The following PLEKHA7 variants were observed in gnomAD, a reference collection of about 807,000 sequenced individuals.
The protein encoded by PLEKHA7 is pleckstrin homology domain-containing family A member 7.
Under a neutral mutation model 170.0 loss-of-function variants are expected in PLEKHA7, and 104 were observed. That is an observed-to-expected ratio of 0.61 (90% CI 0.52 to 0.72). The LOEUF is 0.72. PLEKHA7 is among the 30% of genes least tolerant of loss of function. The pLI is 0.00. For synonymous variants in PLEKHA7, 648 were observed against 660.8 expected, an observed-to-expected ratio of 0.98 and a Z score of 0.30; for missense variants, 1,615 against 1,671.7, an observed-to-expected ratio of 0.97 and a Z score of 0.59.
chr11:17,007,130 G>T (rs1865046634), intron 3 of PLEKHA7, among the ~76,000 whole-genome samples: 1 of 152,220 alleles, frequency 6.6e-6, no homozygotes, highest in Non-Finnish European at 1.5e-5. Flanking sequence ...CTGCCCAGGG[G>T]GGCATGGATA....
chr11:16,941,671 C>CT (rs1565139015), intron 3 of PLEKHA7, among the ~76,000 whole-genome samples: 1 of 152,144 alleles, frequency 6.6e-6, no homozygotes, highest in African/African-American at 2.4e-5. Context: ...TATTTATTAG[C>CT]TTTTTTATAC....
intron 23 of PLEKHA7, 113 bp downstream of exon 23, chr11:16,788,983 T>A (rs902023258): frequency 1.2e-4 from 162 of 1,320,156 alleles, no homozygotes; most frequent in Non-Finnish European, 1.5e-4. Flanking sequence ...CTGAACCATG[T>A]AGGTCAATGG....
At chr11:16,952,440 A>T (rs1044464875) in intron 3 of PLEKHA7, among the ~76,000 whole-genome samples, 2 of 152,232 alleles carry the variant, frequency 1.3e-5, no homozygotes. Context: ...CCAGCCCAGT[A>T]GTTCTGGGAT....
chr11:16,982,693 G>C (rs373097013), intron 3 of PLEKHA7, among the ~76,000 whole-genome samples: 1 of 151,692 alleles, frequency 6.6e-6, no homozygotes, highest in Non-Finnish European at 1.5e-5. Context: ...CTGTGTCCAC[G>C]ACCTGACCCA....
chr11:17,007,233 CATT>C (rs1865055254), intron 3 of PLEKHA7, among the ~76,000 whole-genome samples: 1 of 152,172 alleles, frequency 6.6e-6, no homozygotes, highest in South Asian at 2.1e-4. Flanking sequence ...ACATTTAAAA[CATT>C]ATATTCTACA....
At chr11:16,906,947 G>T (rs964408727) in intron 3 of PLEKHA7, among the ~76,000 whole-genome samples, 1 of 149,354 alleles carries the variant, frequency 6.7e-6, no homozygotes, top group African/African-American at 2.5e-5. Flanking sequence ...GCCCCGTCTG[G>T]GATGTGAGGA....
intron 3 of PLEKHA7, among the ~76,000 whole-genome samples, chr11:16,890,391 A>T (rs1251907102): frequency 1.3e-5 from 2 of 152,250 alleles, no homozygotes; most frequent in African/African-American, 4.8e-5. Context: ...CACATGCTGC[A>T]TACAAAAAAC....
chr11:16,796,341 A>G (rs1167021453), intron 17 of PLEKHA7, among the ~76,000 whole-genome samples: 1 of 152,254 alleles, frequency 6.6e-6, no homozygotes, highest in East Asian at 1.9e-4. Context: ...ATAAAAAGGA[A>G]TGAAGTGCTG....
chr11:16,839,144 C>G (rs1851761892), intron 9 of PLEKHA7, among the ~76,000 whole-genome samples: 1 of 152,104 alleles, frequency 6.6e-6, no homozygotes, highest in Non-Finnish European at 1.5e-5. Context: ...TACAGTACAT[C>G]TACATTATGA....
intron 3 of PLEKHA7, among the ~76,000 whole-genome samples, chr11:16,986,220 T>A (rs990483402): frequency 6.6e-6 from 1 of 152,100 alleles, no homozygotes; most frequent in Admixed American, 6.5e-5. Context: ...GGATGAGGTA[T>A]TTGGGCCCCT....
Position 16,783,845 on chromosome 11 carries a change from C to A in PLEKHA7, c.3517-12G>T. The A allele has an allele frequency of 2.1e-6, 3 of 1,445,784 alleles. No individual in the cohort carries two copies. The highest frequency in any genetic ancestry group is 2.6e-5 in the Admixed American group (1 of 38,160). 89.6% of individuals were successfully genotyped at this position (1,445,784 alleles called of 1,614,324 possible). On this transcript the variant is annotated splice_polypyrimidine_tract_variant and intron_variant, in intron 24 of 26. Transcript: ENST00000531066. Reference sequence around the variant, plus strand: ...TCTGGTTTGGACAGCTGGGGAGAGGCCAGGAGGTGGCAGAGGGAGAGGCTC... The same window carrying A: ...TCTGGTTTGGACAGCTGGGGAGAGGACAGGAGGTGGCAGAGGGAGAGGCTC...
chr11:16,933,691 G>A (rs144430808), intron 3 of PLEKHA7, among the ~76,000 whole-genome samples: 62 of 152,276 alleles, frequency 4.1e-4, no homozygotes, highest in East Asian at 9.7e-4. Flanking sequence ...TTGATTAAAC[G>A]TCCAAGAGGA....
Position 16,801,694 on chromosome 11 carries a change from G to A in PLEKHA7, c.2281C>T (p.Arg761Ter), listed in dbSNP as rs1848606474. The change falls in exon 16 of 27, where the codon CGA becomes TGA. Residue 761 changes from arginine (R) to a stop codon, truncating the protein, a stop_gained. Coordinates refer to ENST00000531066, the MANE Select transcript of PLEKHA7 (RefSeq NM_001329630.2). LOFTEE classifies it high-confidence loss of function. ...KLLQEDLVHI[R>*]AELSRESTEM... ...GTGGACTCTCTGGAGAGCTCAGCTC[G>A]GATATGGACAAGGTCCTCCTGCAGC... 1.2e-6 allele frequency: 2 copies of A among 1,614,106 alleles called. No individual in the cohort carries two copies. The highest frequency in any genetic ancestry group is 1.7e-6 in the Non-Finnish European group (2 of 1,180,020).
At chr11:17,003,158 T>C (rs1225423787) in intron 3 of PLEKHA7, among the ~76,000 whole-genome samples, 1 of 152,046 alleles carries the variant, frequency 6.6e-6, no homozygotes, top group Non-Finnish European at 1.5e-5. Flanking sequence ...GCCCGGCTAA[T>C]TTTGATATTT....
At chr11:16,911,173 C>CT (rs1858222282) in intron 3 of PLEKHA7, among the ~76,000 whole-genome samples, 2 of 152,164 alleles carry the variant, frequency 1.3e-5, no homozygotes, top group Admixed American at 1.3e-4. Flanking sequence ...ATGTGTGTAT[C>CT]TTTTTTCTAA....
At chr11:16,969,245 T>G (rs1862564917) in intron 3 of PLEKHA7, among the ~76,000 whole-genome samples, 1 of 152,136 alleles carries the variant, frequency 6.6e-6, no homozygotes, top group Admixed American at 6.5e-5. Flanking sequence ...GGAAGCCAGA[T>G]GACAGAATTA....
chr11:16,855,772 G>A (rs758497155), intron 5 of PLEKHA7, 31 bp downstream of exon 5: 1 of 1,493,040 alleles, frequency 6.7e-7, no homozygotes, highest in South Asian at 1.2e-5. Flanking sequence ...ATAAAAGAAG[G>A]GAAGGAAGGA....
chr11:16,795,513 C>A (rs537305453), intron 17 of PLEKHA7, among the ~76,000 whole-genome samples: 1 of 152,206 alleles, frequency 6.6e-6, no homozygotes, highest in East Asian at 1.9e-4. Context: ...CAAGATGAGT[C>A]GGGTGCAATG....
At chr11:16,924,611 G>A (rs1859355132) in intron 3 of PLEKHA7, among the ~76,000 whole-genome samples, 1 of 152,120 alleles carries the variant, frequency 6.6e-6, no homozygotes, top group South Asian at 2.1e-4. Context: ...CCTCTGGGAG[G>A]AGATGGGGCT....
Sources: allele counts gnomAD v4.1 joint callset (sites outside exome capture counted in the v4.1 genomes callset), GRCh38; gene constraint gnomAD v4.1.1; transcripts MANE v1.5; gene names NCBI Gene and HGNC (gene_info 2026-07-23, HGNC 2026-07-21).